The following INF2 variants were observed in gnomAD, a reference collection of about 807,000 sequenced individuals.
INF2 encodes the protein inverted formin-2.
A neutral mutation model predicts 123.5 loss-of-function variants in INF2; 43 were observed. The ratio of observed to expected loss-of-function variants is 0.35; its 90% confidence interval spans 0.27 to 0.45. The LOEUF is 0.45. INF2 is among the 20% of genes least tolerant of loss of function. INF2 has a pLI of 1.00. For missense variants in INF2, 1,453 were observed against 1,682.7 expected (o/e 0.86, Z 2.39); for synonymous variants, 851 against 745.0 (o/e 1.14, Z -2.32).
rs767056621 is a variant in INF2, at chr14:104,709,597, A to C, written c.2053-23A>C. ...CGGGAAGCTGGCATGGGGGGATCCC[A>C]CATGCCGTTCTCCTCCTGGCAGATT... On this transcript the variant is annotated intron_variant, in intron 11 of 22. Transcript: ENST00000392634. 5.0e-6 allele frequency: 8 copies of C among 1,598,676 alleles called. No homozygotes were observed. In the Admixed American group the frequency reaches 1.2e-4, roughly 23 times the overall value.
In INF2 at chr14:104,718,789, T is replaced by C; in HGVS notation, c.*2-6T>C. The C allele has an allele frequency of 6.2e-7, 1 of 1,613,128 alleles. No homozygotes were observed. Among genetic ancestry groups the C allele is most frequent in the East Asian group, 2.2e-5 (1 of 44,870 alleles). ...CTAATAATGTCATTTTTTCTCTCTC[T>C]TACAGGCCTCAGGCCCAGGCCCAAG... On this transcript the variant is annotated splice_region_variant and splice_polypyrimidine_tract_variant and intron_variant, in intron 22 of 22. Transcript: ENST00000392634.
rs544483655 is a variant in INF2, at chr14:104,712,974, T to A, written c.2757T>A (p.Leu919=). ...GCACCATGAAGGCTTTCCGGGACCT[T>A]TTCCTCCGCGCCCTGAAGGTGGGGC... is the stretch of plus-strand genomic sequence containing the variant. ...TFSTMKAFRD[L]FLRALKENKD... Residue 919 remains leucine (L), a synonymous_variant, in exon 18 of 23, where the codon CTT becomes CTA. Coordinates refer to ENST00000392634, the MANE Select transcript of INF2 (RefSeq NM_022489.4). 4.3e-6 allele frequency: 7 copies of A among 1,612,526 alleles called. No individual in the cohort carries two copies. Among genetic ancestry groups the A allele is most frequent in the South Asian group, 3.3e-5 (3 of 91,072 alleles).
chr14:104,707,198 C>T, intron 7 of INF2, 55 bp from the exon 8 acceptor site: 2 of 1,553,208 alleles, frequency 1.3e-6, no homozygotes, highest in South Asian at 1.2e-5. Context: ...CTCAAGCCCC[C>T]ATCCCTCCCT....
intron 16 of INF2, among the ~76,000 whole-genome samples, chr14:104,712,207 T>C (rs1890083332): frequency 6.6e-6 from 1 of 152,000 alleles, no homozygotes; most frequent in Non-Finnish European, 1.5e-5. Flanking sequence ...TGGGGAGAAC[T>C]AGGCAAGCAG....
rs1197009005 is a variant in INF2, at chr14:104,703,956, C to T, written c.701+7C>T. ...ACGTCCTGGCTCGCCTGCGGTGAGT[C>T]CCCACTGTAGCGGTCCTGCCGGCTC... is the stretch of plus-strand genomic sequence containing the variant. On this transcript the variant is annotated splice_region_variant and intron_variant, in intron 5 of 22. Transcript: ENST00000392634. 6.2e-7 allele frequency: 1 copy of T among 1,609,848 alleles called. No individual in the cohort carries two copies.
rs143540449 is a variant in INF2, at chr14:104,714,406, G to A, written c.3244G>A (p.Ala1082Thr). 4 of 1,604,758 alleles carry A rather than the reference G, an allele frequency of 2.5e-6. No individual in the cohort carries two copies. The highest frequency in any genetic ancestry group is 2.7e-5 in the African/African-American group (2 of 74,730). Reference protein sequence around the residue: ...LERRSSWYVDASDVLTTEDPQ... With the variant: ...LERRSSWYVDTSDVLTTEDPQ... ...GAGGCGTTCTTCCTGGTATGTGGAT[G>A]CCAGCGATGTCCTAACCACTGAGGA... Residue 1082 changes from alanine to threonine, a missense_variant, in exon 21 of 23, where the codon GCC becomes ACC. Transcript: ENST00000392634.
intron 22 of INF2, among the ~76,000 whole-genome samples, chr14:104,718,309 G>T (rs1461987914): frequency 6.6e-6 from 1 of 152,236 alleles, no homozygotes; most frequent in Non-Finnish European, 1.5e-5. Context: ...AGGCCTGTGG[G>T]GCCATGTGTG....
upstream of INF2, among the ~76,000 whole-genome samples, chr14:104,688,366 A>G (rs1888747210): frequency 6.6e-6 from 1 of 152,182 alleles, no homozygotes; most frequent in Non-Finnish European, 1.5e-5. Flanking sequence ...GCGGAGGCAC[A>G]CCAAAGCCAA....
At chr14:104,688,452 C>A (rs961220307), upstream of INF2, among the ~76,000 whole-genome samples, 1 of 152,256 alleles carries the variant, frequency 6.6e-6, no homozygotes. Flanking sequence ...TCTCTCCCCT[C>A]GCCCTCACCC....
chr14:104,697,215 A>G (rs529965493), intron 1 of INF2, among the ~76,000 whole-genome samples: 1 of 152,322 alleles, frequency 6.6e-6, no homozygotes, highest in South Asian at 2.1e-4. Flanking sequence ...GGCCGAGGGC[A>G]TAGGAGCTCC....
Position 104,701,660 on chromosome 14 carries a change from C to G in INF2, c.295C>G (p.Leu99Val). 1.3e-6 allele frequency: 2 copies of G among 1,594,294 alleles called. No individual in the cohort carries two copies. Among genetic ancestry groups the G allele is most frequent in the Non-Finnish European group, 1.7e-6 (2 of 1,172,050 alleles). The change falls in exon 2 of 23, where the codon CTC (leucine) becomes GTC (valine). Residue 99 changes from leucine (L) to valine (V), a missense_variant. This residue lies in a region of INF2 where 251 missense variants were observed against 349.4 expected (regional missense o/e 0.72). Coordinates refer to ENST00000392634, the MANE Select transcript of INF2 (RefSeq NM_022489.4). Reference sequence around the variant, plus strand: ...ACGTATCTCCGACGCCCTGCTGCAGCTCACCTGCGTCAGCTGCGTGCGCGC... The same window carrying G: ...ACGTATCTCCGACGCCCTGCTGCAGGTCACCTGCGTCAGCTGCGTGCGCGC... ...VARISDALLQ[L>V]TCVSCVRAVM...
At chr14:104,683,924 T>C (rs1888595376) in intron 1 of INF2, 4 of 400,658 alleles carry the variant, frequency 1.0e-5, no homozygotes, top group South Asian at 5.5e-5. Flanking sequence ...AGGCAGACTA[T>C]GGGTTGGGGT....
intron 6 of INF2, 122 bp from the exon 7 acceptor site, chr14:104,706,786 ATC>A: frequency 9.1e-7 from 1 of 1,103,950 alleles, no homozygotes; most frequent in Middle Eastern, 2.7e-4. Flanking sequence ...TGAAACTCTC[ATC>A]TCTAGGGATC....
chr14:104,713,720 C>A, intron 20 of INF2, 114 bp downstream of exon 20: 4 of 1,177,744 alleles, frequency 3.4e-6, no homozygotes, highest in Non-Finnish European at 4.8e-6. Context: ...CTGGGCCACC[C>A]TGGAGGCCCC....
At chr14:104,687,132 A>G (rs4077520), upstream of INF2, among the ~76,000 whole-genome samples, 43,467 of 152,044 alleles carry the variant, frequency 0.29, 6,690 homozygotes, top group Non-Finnish European at 0.35. This position sits in a 1 kb window ranked among gnomAD's most constrained non-coding sequence, Gnocchi z 5.6. Context: ...CAGGCAGGCC[A>G]TGGCTTCCAG....
chr14:104,704,537 T>G (rs951812950), intron 5 of INF2: 1 of 161,922 alleles, frequency 6.2e-6, no homozygotes, highest in African/African-American at 2.4e-5. Context: ...TGCATTAGAT[T>G]CTCCAGCGCA....
At chr14:104,686,839 G>A (rs569036141), upstream of INF2, among the ~76,000 whole-genome samples, 4 of 152,186 alleles carry the variant, frequency 2.6e-5, no homozygotes, top group African/African-American at 9.7e-5. Context: ...ACACCTGCCT[G>A]CCTGTTTCTA....
chr14:104,695,411 G>C (rs1341801391), intron 1 of INF2, among the ~76,000 whole-genome samples: 1 of 152,172 alleles, frequency 6.6e-6, no homozygotes, highest in Admixed American at 6.5e-5. Context: ...TGGCCCTGCT[G>C]TTTGTGCAGT....
chr14:104,705,796 G>A (rs1038492154), intron 5 of INF2, among the ~76,000 whole-genome samples: 4 of 152,214 alleles, frequency 2.6e-5, no homozygotes, highest in Non-Finnish European at 4.4e-5. Flanking sequence ...AGGGGCGTGC[G>A]GGTGCCTGGT....
Sources: allele counts gnomAD v4.1 joint callset (sites outside exome capture counted in the v4.1 genomes callset), GRCh38; gene constraint gnomAD v4.1.1; regional missense constraint gnomAD v4.1.1; non-coding constraint Gnocchi (gnomAD v3.1); transcripts MANE v1.5; gene names NCBI Gene and HGNC (gene_info 2026-07-23, HGNC 2026-07-21).